Variants in NREP observed in about 807,000 individuals in gnomAD.
NREP encodes neuronal regeneration-related protein.
In NREP, 5 loss-of-function variants were observed where a neutral mutation model predicts 8.6. That is an observed-to-expected ratio of 0.58 (90% CI 0.30 to 1.22). The LOEUF (loss-of-function observed/expected upper bound fraction) is 1.22. Ranked by LOEUF, NREP falls within the 50% of genes most tolerant of loss-of-function variation. The pLI, the probability that NREP is intolerant of heterozygous loss-of-function variation, is 0.07. For missense variants in NREP, 86 were observed against 82.5 expected (o/e 1.04, Z -0.17); for synonymous variants, 27 against 28.0 (o/e 0.96, Z 0.11).
At chr5:111,785,779 TA>T (rs770195820) in intron 2 of NREP, among the ~76,000 whole-genome samples, 1 of 152,062 alleles carries the variant, frequency 6.6e-6, no homozygotes, top group East Asian at 1.9e-4. Context: ...TAGCAGTGAA[TA>T]AAAATGGCAT....
At chr5:111,950,694 T>C (rs1000332692) in intron 2 of NREP, among the ~76,000 whole-genome samples, 1 of 133,896 alleles carries the variant, frequency 7.5e-6, no homozygotes, top group Non-Finnish European at 1.6e-5. Context: ...TAAACAAATT[T>C]ACAAGAAAAA....
At chr5:111,852,633 A>T (rs932829876) in intron 2 of NREP, among the ~76,000 whole-genome samples, 4 of 152,084 alleles carry the variant, frequency 2.6e-5, no homozygotes, top group African/African-American at 7.2e-5. Flanking sequence ...TGACCTTGGG[A>T]CCTTAGGAAA....
At chr5:111,827,834 C>T (rs535597472) in intron 2 of NREP, among the ~76,000 whole-genome samples, 1 of 152,062 alleles carries the variant, frequency 6.6e-6, no homozygotes, top group Admixed American at 6.5e-5. Flanking sequence ...CACGGGATGA[C>T]TCTGTCTCAA....
rs565498672 is a variant in NREP, at chr5:111,832,068, A to G, written c.136-96561T>C. Among the ~76,000 whole-genome samples the G allele has an allele frequency of 1.4e-4, 22 of 152,288 alleles. No homozygotes were observed. The East Asian group carries it at 3.7e-3, about 25-fold the overall frequency. ...CGAAAGGTCTAAGAGTGAGTAGGAA[A>G]TGATTTATAACAAAGTGAAGTTACT... On this transcript the variant is annotated intron_variant, in intron 2 of 3. Coordinates refer to the NREP transcript ENST00000395634.
At chr5:111,844,781 A>G (rs1367395872) in intron 2 of NREP, among the ~76,000 whole-genome samples, 1 of 149,906 alleles carries the variant, frequency 6.7e-6, no homozygotes, top group African/African-American at 2.4e-5. Flanking sequence ...CAAATTAACT[A>G]TGTTTCTGGA....
At chr5:111,864,067 AAGG>A (rs1270065940) in intron 2 of NREP, among the ~76,000 whole-genome samples, 1 of 152,162 alleles carries the variant, frequency 6.6e-6, no homozygotes, top group African/African-American at 2.4e-5. Context: ...AACTGTCAAG[AAGG>A]AGAACTGTCA....
intron 2 of NREP, among the ~76,000 whole-genome samples, chr5:111,962,004 T>C (rs1256097044): frequency 6.6e-6 from 1 of 152,188 alleles, no homozygotes; most frequent in Non-Finnish European, 1.5e-5. Context: ...CTGCTTTCTT[T>C]CAATTCAGGC....
At position 111,732,047 on chromosome 5, in the gene NREP, T is replaced by G. The variant is rs1432435338; in HGVS notation, c.82-1001A>C. ...TCTGGAGTTTTAATTACTGACATTT[T>G]CTTGGAAGAAATTATCCTTTGTGGT... On this transcript the variant is annotated intron_variant, in intron 3 of 3. Coordinates refer to ENST00000257435, the MANE Select transcript of NREP (RefSeq NM_004772.4). 3 of 152,314 alleles carry G rather than the reference T, an allele frequency of 2.0e-5. No individual in the cohort carries two copies. The East Asian group carries it at 5.8e-4, about 29-fold the overall frequency. 9.4% of individuals were successfully genotyped at this position (152,314 alleles called of 1,614,324 possible). A position where few individuals can be genotyped will look rare whatever the true frequency, so the allele number is the denominator to read the frequency against.
In NREP at chr5:111,753,059, A is replaced by C. The variant is rs1161333608; in HGVS notation, c.3+2711T>G. Among the ~76,000 whole-genome samples the C allele has an allele frequency of 2.0e-5, 3 of 148,752 alleles. No individual in the cohort carries two copies. In the East Asian group the frequency reaches 5.8e-4, roughly 29 times the overall value. On this transcript the variant is annotated intron_variant, in intron 2 of 3. Transcript: ENST00000257435. ...GAAGACTTAATATCCTACTAATTGC[A>C]AAAAAAAACACAAAACTGTGGGGGT...
intron 3 of NREP, 101 bp from the exon 4 acceptor site, chr5:111,731,147 C>T: frequency 7.8e-7 from 1 of 1,274,594 alleles, no homozygotes; most frequent in Non-Finnish European, 1.1e-6. Context: ...TCCTGCCCAG[C>T]CCACATTATA....
chr5:111,866,383 G>A (rs1051361351), intron 2 of NREP, among the ~76,000 whole-genome samples: 18 of 152,184 alleles, frequency 1.2e-4, no homozygotes, highest in African/African-American at 3.6e-4. Flanking sequence ...GCAGGCAAAA[G>A]ACACATGAAA....
chr5:111,843,330 G>A (rs1421339457), intron 2 of NREP, among the ~76,000 whole-genome samples: 1 of 151,556 alleles, frequency 6.6e-6, no homozygotes, highest in Non-Finnish European at 1.5e-5. Flanking sequence ...AGTTTACTGT[G>A]GAAGTATTTA....
intron 2 of NREP, chr5:111,846,501 G>A (rs11952607): frequency 0.11 from 15,161 of 136,284 alleles, 968 homozygotes; most frequent in African/African-American, 0.18. Context: ...TACTTTTGCA[G>A]GAACAGGCTT....
chr5:111,855,806 A>G (rs1160073840), intron 2 of NREP, among the ~76,000 whole-genome samples: 1 of 152,120 alleles, frequency 6.6e-6, no homozygotes, highest in Non-Finnish European at 1.5e-5. Flanking sequence ...CACAGGGCCA[A>G]CCTCCCCAAT....
chr5:111,967,676 G>A (rs1379677029), intron 2 of NREP, among the ~76,000 whole-genome samples: 6 of 151,700 alleles, frequency 4.0e-5, no homozygotes, highest in East Asian at 1.9e-4. Flanking sequence ...CCCAGCTGCC[G>A]CCCCATCTGG....
At chr5:111,740,662 A>T (rs1030973193) in intron 2 of NREP, among the ~76,000 whole-genome samples, 22 of 152,330 alleles carry the variant, frequency 1.4e-4, no homozygotes, top group Non-Finnish European at 2.4e-4. Context: ...CCAAGGTCCT[A>T]AAAAATATGC....
At chr5:111,740,181 T>C (rs1205543255) in intron 2 of NREP, among the ~76,000 whole-genome samples, 2 of 152,112 alleles carry the variant, frequency 1.3e-5, no homozygotes, top group Non-Finnish European at 2.9e-5. Flanking sequence ...GACAATTAGG[T>C]TGAAAAACAA....
At chr5:111,756,034 A>G (rs1195996816) in intron 1 of NREP, 14 of 1,345,200 alleles carry the variant, frequency 1.0e-5, no homozygotes, top group Non-Finnish European at 1.2e-5. Context: ...AATCCCTGGT[A>G]CTTGGCTTTG....
At chr5:111,933,798 T>C (rs555913288) in intron 2 of NREP, among the ~76,000 whole-genome samples, 2 of 152,212 alleles carry the variant, frequency 1.3e-5, no homozygotes, top group African/African-American at 2.4e-5. Flanking sequence ...GTCTATACTG[T>C]AGACTGCATT....
Sources: gnomAD v4.1 joint callset for allele counts (sites outside exome capture counted in the v4.1 genomes callset) on GRCh38, gnomAD v4.1.1 for gene constraint, MANE v1.5 for transcripts, NCBI Gene and HGNC (gene_info 2026-07-23, HGNC 2026-07-21) for gene names.